The following N4BP2 variants were observed in gnomAD, a reference collection of about 807,000 sequenced individuals.
The protein encoded by N4BP2 is NEDD4-binding protein 2.
A neutral mutation model predicts 152.8 loss-of-function variants in N4BP2; 91 were observed. The ratio of observed to expected loss-of-function variants is 0.60; its 90% CI spans 0.50 to 0.71. The LOEUF (loss-of-function observed/expected upper bound fraction) is 0.71. N4BP2 is among the 30% of genes least tolerant of loss of function. The pLI is 0.00. For synonymous variants in N4BP2, 646 were observed against 705.3 expected, an observed-to-expected ratio of 0.92 and a Z score of 1.33; for missense variants, 1,923 against 2,059.1, an observed-to-expected ratio of 0.93 and a Z score of 1.28.
intron 3 of N4BP2, among the ~76,000 whole-genome samples, chr4:40,097,807 A>G (rs1579015273): frequency 6.6e-6 from 1 of 152,168 alleles, no homozygotes; most frequent in African/African-American, 2.4e-5. Flanking sequence ...ATTTGTATAG[A>G]TAGCATATTC....
the N4BP2 span, among the ~76,000 whole-genome samples, chr4:40,165,085 C>T: frequency 6.6e-6 from 1 of 151,778 alleles, no homozygotes; most frequent in African/African-American, 2.4e-5. Context: ...TTTTAAAGTA[C>T]CTTATTAATT....
In N4BP2 at chr4:40,131,870, T is replaced by C. The variant is rs1718934756; in HGVS notation, c.4597T>C (p.Phe1533Leu). 5 of 1,613,618 alleles carry C rather than the reference T, an allele frequency of 3.1e-6. No homozygotes were observed. The highest frequency in any genetic ancestry group is 4.2e-6 in the Non-Finnish European group (5 of 1,179,782). Residue 1533 changes from phenylalanine to leucine, a missense_variant, in exon 13 of 18, where the codon TTT becomes CTT. Physicochemically the swap from Phe to Leu is conservative, Grantham distance 22. Transcript: ENST00000261435. ...AAAGGAGAAGCAGCTCTTTAAGATA[T>C]TTCCAGCCATTAACCAAAATTTTCT... Reference protein sequence around the residue: ...KLKEKQLFKIFPAINQNFLVD... With the variant: ...KLKEKQLFKILPAINQNFLVD...
chr4:40,159,881 G>T (rs917558607), downstream of N4BP2, among the ~76,000 whole-genome samples: 14 of 148,536 alleles, frequency 9.4e-5, no homozygotes, highest in African/African-American at 3.5e-4. Flanking sequence ...AGTTGTTGTT[G>T]TTTTTTTTTT....
intron 1 of N4BP2, among the ~76,000 whole-genome samples, chr4:40,070,918 G>A (rs1712104763): frequency 6.6e-6 from 1 of 150,862 alleles, no homozygotes; most frequent in Non-Finnish European, 1.5e-5. Flanking sequence ...TCCTTCTCCT[G>A]AGTTCATGCA....
At position 40,121,094 on chromosome 4, in the gene N4BP2, T is replaced by C; in HGVS notation, c.2983T>C (p.Leu995=). 6.2e-7 allele frequency: 1 copy of C among 1,614,008 alleles called. No homozygotes were observed. The highest frequency in any genetic ancestry group is 8.5e-7 in the Non-Finnish European group (1 of 1,180,000). ...TTCTGGAGTAGTAGAACCACAAACGTTAGCTGAATGTCAAGAGCAAATGCC... is the reference window on the plus strand; with the variant it reads ...TTCTGGAGTAGTAGAACCACAAACGCTAGCTGAATGTCAAGAGCAAATGCC... ...TVSGVVEPQT[L]AECQEQMPKR... The change falls in exon 9 of 18, where the codon TTA becomes CTA. Residue 995 remains leucine, a synonymous_variant. Coordinates refer to ENST00000261435, the MANE Select transcript of N4BP2 (RefSeq NM_018177.6).
intron 2 of N4BP2, among the ~76,000 whole-genome samples, chr4:40,074,200 T>C (rs1406307584): frequency 6.9e-6 from 1 of 145,874 alleles, no homozygotes; most frequent in Admixed American, 6.7e-5. Context: ...ATGCAACTCT[T>C]CTGCCTCAGC....
intron 2 of N4BP2, among the ~76,000 whole-genome samples, chr4:40,089,755 T>G (rs1227096586): frequency 6.6e-6 from 1 of 152,150 alleles, no homozygotes; most frequent in Non-Finnish European, 1.5e-5. Context: ...TTTTTCCTTT[T>G]ATGGCCCATG....
chr4:40,117,354 T>C (rs1266288354), intron 7 of N4BP2, among the ~76,000 whole-genome samples: 1 of 152,184 alleles, frequency 6.6e-6, no homozygotes, highest in Non-Finnish European at 1.5e-5. Context: ...CAAATGCATA[T>C]ATTATCCCTG....
At chr4:40,123,603 C>G (rs1718133612) in intron 10 of N4BP2, among the ~76,000 whole-genome samples, 1 of 152,062 alleles carries the variant, frequency 6.6e-6, no homozygotes, top group East Asian at 1.9e-4. Flanking sequence ...CCTGCCTTAG[C>G]CTCCAGAGTA....
At chr4:40,130,196 T>G (rs549463517) in intron 12 of N4BP2, among the ~76,000 whole-genome samples, 2 of 151,788 alleles carry the variant, frequency 1.3e-5, no homozygotes, top group Non-Finnish European at 2.9e-5. Context: ...TGGCCAAAAA[T>G]AAAATATATT....
intron 10 of N4BP2, 129 bp downstream of exon 10, chr4:40,123,341 G>T: frequency 1.8e-6 from 1 of 564,856 alleles, no homozygotes; most frequent in Middle Eastern, 3.3e-4. Context: ...GAGTTCTATT[G>T]AATTTTGACT....
In N4BP2 at chr4:40,155,837, T is replaced by C. The variant is rs1332864243; in HGVS notation, c.*1600T>C. 1 of 152,188 alleles carries C rather than the reference T, an allele frequency of 6.6e-6. No individual in the cohort carries two copies. The highest frequency in any genetic ancestry group is 2.4e-5 in the African/African-American group (1 of 41,450). The allele number at this position is 152,188 out of a possible 1,614,324, so 9.4% of individuals were successfully genotyped here. ...AACCCCAAAACATTTTTTTTATATATCATGATTGCATGCTTTTAAAATAAG... is the reference window on the plus strand; with the variant it reads ...AACCCCAAAACATTTTTTTTATATACCATGATTGCATGCTTTTAAAATAAG... On this transcript the variant is annotated 3_prime_UTR_variant, in exon 18 of 18. Transcript: ENST00000261435.
chr4:40,184,916 A>G, the N4BP2 span, among the ~76,000 whole-genome samples: 1 of 152,122 alleles, frequency 6.6e-6, no homozygotes, highest in Non-Finnish European at 1.5e-5. Context: ...ACATTGCGCC[A>G]CTGCACTCCA....
chr4:40,107,538 C>T (rs368851799), intron 5 of N4BP2, among the ~76,000 whole-genome samples: 4 of 151,956 alleles, frequency 2.6e-5, no homozygotes, highest in Non-Finnish European at 2.9e-5. Context: ...TGCATGCCAC[C>T]GCACCTGGCT....
At chr4:40,129,302 C>T (rs1022207681) in intron 12 of N4BP2, among the ~76,000 whole-genome samples, 1 of 152,102 alleles carries the variant, frequency 6.6e-6, no homozygotes, top group Non-Finnish European at 1.5e-5. Flanking sequence ...TCTCGGCTCA[C>T]TGCAACCTCC....
intron 12 of N4BP2, among the ~76,000 whole-genome samples, chr4:40,127,872 A>T (rs1304482019): frequency 6.6e-6 from 1 of 152,150 alleles, no homozygotes. Context: ...CGTGTTAGCC[A>T]GGATGGTCTT....
intron 11 of N4BP2, among the ~76,000 whole-genome samples, chr4:40,125,574 A>C (rs560483968): frequency 1.3e-5 from 2 of 152,246 alleles, no homozygotes; most frequent in African/African-American, 4.8e-5. Flanking sequence ...AGTGGGAAGC[A>C]TTGAGTCAGT....
At chr4:40,188,677 G>A in the N4BP2 span, among the ~76,000 whole-genome samples, 5 of 148,454 alleles carry the variant, frequency 3.4e-5, no homozygotes, top group Admixed American at 1.4e-4. Context: ...CCTGGGAGGC[G>A]CAGGTTGCAA....
chr4:40,155,745 C>A lies in N4BP2; in HGVS notation c.*1508C>A, dbSNP rs1721551714. ...TTGGATCAGAAATTATAGGATTGAG[C>A]TGGTACCAAAAGAATCCTAAAGTAC... On this transcript the variant is annotated 3_prime_UTR_variant, in exon 18 of 18. Transcript: ENST00000261435. 2 of 152,224 alleles carry A rather than the reference C, an allele frequency of 1.3e-5. No individual in the cohort carries two copies. The highest frequency in any genetic ancestry group is 2.1e-4 in the South Asian group (1 of 4,818). 9.4% of individuals were successfully genotyped at this position (152,224 alleles called of 1,614,324 possible).
Sources: gnomAD v4.1 joint callset for allele counts (sites outside exome capture counted in the v4.1 genomes callset) on GRCh38, gnomAD v4.1.1 for gene constraint, MANE v1.5 for transcripts, NCBI Gene and HGNC (gene_info 2026-07-23, HGNC 2026-07-21) for gene names.